TXNDC16: variants seen among roughly 807,000 people sequenced by gnomAD.
TXNDC16 encodes thioredoxin domain-containing protein 16.
In TXNDC16, 74 loss-of-function variants were observed where a neutral mutation model predicts 85.6. That is an observed-to-expected ratio of 0.86 (90% confidence interval 0.72 to 1.05). The LOEUF (loss-of-function observed/expected upper bound fraction) is 1.05, where lower values mean the gene tolerates loss of function less well. Among genes scored for constraint, TXNDC16 ranks in the 50% least tolerant of loss-of-function variants. TXNDC16 has a pLI of 0.00. For synonymous variants in TXNDC16, 335 were observed against 326.5 expected (o/e 1.03, Z -0.28); for missense variants, 959 against 947.0 (o/e 1.01, Z -0.17).
At position 52,519,280 on chromosome 14, in the gene TXNDC16, TA is replaced by T; in HGVS notation, c.405del (p.Phe135LeufsTer4). 6.3e-7 allele frequency: 1 copy of T among 1,594,826 alleles called. No homozygotes were observed. Among genetic ancestry groups the T allele is most frequent in the South Asian group, 1.1e-5 (1 of 89,504 alleles). On this transcript the variant is annotated frameshift_variant, in exon 7 of 21. Coordinates refer to ENST00000281741, the MANE Select transcript of TXNDC16 (RefSeq NM_020784.3). LOFTEE classifies it high-confidence loss of function. ...IVAHVLFALL[F>X]SEVKYITNLE... ...AGGTTGGTAATATATTTCACTTCAC[TA>T]AAAAGAAGAGCACTGAAATAAATAC...
At position 52,530,513 on chromosome 14, in the gene TXNDC16, AT is replaced by A. The variant is rs1338170743; in HGVS notation, c.392+6205del. On this transcript the variant is annotated intron_variant, in intron 6 of 20. Transcript: ENST00000281741. ...TATATATAATAATATAATATATATT[AT>A]TATATAATATTATATATAATAATAT... Among the ~76,000 whole-genome samples, 14 of 21,874 alleles carry A rather than the reference AT, an allele frequency of 6.4e-4. 1 individual carries two copies. Among genetic ancestry groups the A allele is most frequent in the African/African-American group, 2.0e-3 (14 of 6,984 alleles). The allele number at this position is 21,874 out of a possible 152,430, so 14.4% of individuals were successfully genotyped here. A position where few individuals can be genotyped will look rare whatever the true frequency, so the allele number is the denominator to read the frequency against.
intron 7 of TXNDC16, among the ~76,000 whole-genome samples, chr14:52,518,464 C>G (rs1364764728): frequency 1.3e-5 from 2 of 152,140 alleles, no homozygotes; most frequent in African/African-American, 4.8e-5. Flanking sequence ...GGCTGAAACC[C>G]CAGAACCAAC....
At chr14:52,551,498 G>A (rs1353582101) in intron 1 of TXNDC16, among the ~76,000 whole-genome samples, 4 of 150,970 alleles carry the variant, frequency 2.6e-5, no homozygotes, top group Admixed American at 6.6e-5. Context: ...AAAAGCATAG[G>A]ACAAAGGATG....
chr14:52,509,495 T>TAAA (rs11459748), intron 9 of TXNDC16, among the ~76,000 whole-genome samples: 4 of 150,316 alleles, frequency 2.7e-5, no homozygotes, highest in East Asian at 3.9e-4. Context: ...CTGCTTTCTT[T>TAAA]AAAAAAAAAA....
intron 7 of TXNDC16, among the ~76,000 whole-genome samples, chr14:52,516,472 C>T (rs1400536240): frequency 6.6e-6 from 1 of 152,156 alleles, no homozygotes; most frequent in Non-Finnish European, 1.5e-5. Flanking sequence ...TTCTCATTCT[C>T]AATCCTTGAA....
rs749050143 is a variant in TXNDC16 at position 52,488,832 on chromosome 14, A to G, written c.985-346T>C. ...CTGGGCGACAAGGCGAGACTCTGGG[A>G]AAAAAAAAAAAAAAAAACAAGTTTT... On this transcript the variant is annotated intron_variant, in intron 11 of 20. Coordinates refer to ENST00000281741, the MANE Select transcript of TXNDC16 (RefSeq NM_020784.3). Among the ~76,000 whole-genome samples the G allele has an allele frequency of 1.5e-3, 103 of 69,802 alleles. 2 individuals are homozygous for G. The highest frequency in any genetic ancestry group is 7.9e-4 in the South Asian group (1 of 1,266). 45.8% of individuals were successfully genotyped at this position (69,802 alleles called of 152,430 possible).
intron 9 of TXNDC16, among the ~76,000 whole-genome samples, chr14:52,502,201 G>A (rs888576694): frequency 9.2e-5 from 14 of 152,162 alleles, no homozygotes; most frequent in African/African-American, 1.9e-4. Context: ...AGTGTCTACC[G>A]GGGCTTCTGG....
chr14:52,457,235 T>C (rs1566537742), intron 16 of TXNDC16, 61 bp from the exon 17 acceptor site: 1 of 911,936 alleles, frequency 1.1e-6, no homozygotes, highest in Non-Finnish European at 1.7e-6. Context: ...GCTATTCAAC[T>C]GATGAAGAGA....
chr14:52,528,811 G>A (rs918547422), intron 6 of TXNDC16, among the ~76,000 whole-genome samples: 3 of 145,222 alleles, frequency 2.1e-5, no homozygotes, highest in Non-Finnish European at 4.5e-5. Context: ...TTCATATACT[G>A]GTATATATAT....
At chr14:52,516,242 T>C (rs925850734) in intron 7 of TXNDC16, among the ~76,000 whole-genome samples, 1 of 152,188 alleles carries the variant, frequency 6.6e-6, no homozygotes, top group Non-Finnish European at 1.5e-5. Context: ...TGCTTCCTTG[T>C]GCCCATTATC....
At chr14:52,541,484 T>C (rs2037830475) in intron 4 of TXNDC16, among the ~76,000 whole-genome samples, 1 of 152,184 alleles carries the variant, frequency 6.6e-6, no homozygotes, top group Non-Finnish European at 1.5e-5. Context: ...GTGAAATCAG[T>C]TGTTCAAAGT....
At position 52,482,814 on chromosome 14, in the gene TXNDC16, A is replaced by G; in HGVS notation, c.1252+8T>C. On this transcript the variant is annotated splice_region_variant and intron_variant, in intron 13 of 20. Transcript: ENST00000281741. The stretch of plus-strand genomic sequence containing the variant: ...ATATGTAACAGTCCTCTAAAGGCTC[A>G]TACTCACAACCAGCATAGAAGAGTA... 6.3e-7 allele frequency: 1 copy of G among 1,590,734 alleles called. No homozygotes were observed. Among genetic ancestry groups the G allele is most frequent in the Non-Finnish European group, 8.5e-7 (1 of 1,173,462 alleles).
At position 52,488,497 on chromosome 14, in the gene TXNDC16, ATT is replaced by A; in HGVS notation, c.985-13_985-12del. The A allele has an allele frequency of 6.3e-7, 1 of 1,575,978 alleles. No homozygotes were observed. ...TTCCACTGGAACTCCCTAGAAATAC[ATT>A]AATTTTTAAAAAATGAATATAGCAA... On this transcript the variant is annotated splice_polypyrimidine_tract_variant and intron_variant, in intron 11 of 20. Coordinates refer to ENST00000281741, the MANE Select transcript of TXNDC16 (RefSeq NM_020784.3).
At chr14:52,543,734 T>A (rs970190033) in intron 2 of TXNDC16, 104 bp from the exon 3 acceptor site, 1 of 662,190 alleles carries the variant, frequency 1.5e-6, no homozygotes, top group African/African-American at 1.9e-5. Context: ...CATCATTTGA[T>A]TTTGCTAGTA....
chr14:52,548,851 C>T (rs1207813581), intron 1 of TXNDC16, among the ~76,000 whole-genome samples: 1 of 152,122 alleles, frequency 6.6e-6, no homozygotes, highest in African/African-American at 2.4e-5. Context: ...CATTGCACTC[C>T]AGCCTGGGCA....
intron 18 of TXNDC16, among the ~76,000 whole-genome samples, chr14:52,454,688 C>T (rs2035491098): frequency 1.4e-5 from 2 of 144,818 alleles, no homozygotes; most frequent in South Asian, 2.2e-4. Flanking sequence ...TAGTAGTGAG[C>T]GCCTGTAATC....
intron 6 of TXNDC16, among the ~76,000 whole-genome samples, chr14:52,532,698 A>G (rs2037611012): frequency 1.3e-5 from 2 of 152,186 alleles, no homozygotes; most frequent in Middle Eastern, 3.4e-3. Flanking sequence ...GGCCTCCCAA[A>G]GTGCTGAGAT....
At chr14:52,523,252 C>A (rs1170422241) in intron 6 of TXNDC16, among the ~76,000 whole-genome samples, 1 of 152,036 alleles carries the variant, frequency 6.6e-6, no homozygotes. Context: ...CCCAGAAAGG[C>A]CTTCATTTTC....
In TXNDC16 at chr14:52,537,478, T is replaced by A. The variant is rs987891039; in HGVS notation, c.317+121A>T. On this transcript the variant is annotated intron_variant, in intron 5 of 20. Coordinates refer to ENST00000281741, the MANE Select transcript of TXNDC16 (RefSeq NM_020784.3). The stretch of plus-strand genomic sequence containing the variant: ...ACAAATCTATTACTTGGACTTTTGG[T>A]TAAGCTTTACATGATCCCCCCTACA... 6 of 723,624 alleles carry A rather than the reference T, an allele frequency of 8.3e-6. No homozygotes were observed. The Admixed American group carries it at 1.7e-4, about 20-fold the overall frequency. 44.8% of individuals were successfully genotyped at this position (723,624 alleles called of 1,614,324 possible).
Sources: gnomAD v4.1 joint callset for allele counts (sites outside exome capture counted in the v4.1 genomes callset) on GRCh38, gnomAD v4.1.1 for gene constraint, MANE v1.5 for transcripts, NCBI Gene and HGNC (gene_info 2026-07-23, HGNC 2026-07-21) for gene names.